GFRA1: variants seen among roughly 807,000 people sequenced by gnomAD.
GFRA1 encodes the protein GDNF family receptor alpha-1.
GFRA1 carries 16 observed loss-of-function variants against 51.6 expected under a neutral mutation model. The ratio of observed to expected loss-of-function variants is 0.31; its 90% CI spans 0.21 to 0.47. The LOEUF (loss-of-function observed/expected upper bound fraction) is 0.47, where lower values mean the gene tolerates loss of function less well. Among genes scored for constraint, GFRA1 ranks in the 20% least tolerant of loss-of-function variants. GFRA1 has a pLI of 1.00. For synonymous variants in GFRA1, 270 were observed against 241.3 expected, an observed-to-expected ratio of 1.12 and a Z score of -1.10; for missense variants, 530 against 594.3, an observed-to-expected ratio of 0.89 and a Z score of 1.13.
intron 5 of GFRA1, among the ~76,000 whole-genome samples, chr10:116,205,594 A>G (rs12772920): frequency 3.0e-5 from 1 of 32,844 alleles, no homozygotes; most frequent in Non-Finnish European, 4.7e-5. Flanking sequence ...GGAAAAAAAA[A>G]AGATATATAT....
intron 5 of GFRA1, among the ~76,000 whole-genome samples, chr10:116,207,514 T>C (rs921158749): frequency 6.6e-6 from 1 of 152,150 alleles, no homozygotes; most frequent in Non-Finnish European, 1.5e-5. Flanking sequence ...GACACAGTCC[T>C]ACAAAAACCC....
At chr10:116,257,152 G>A (rs12413585) in intron 4 of GFRA1, among the ~76,000 whole-genome samples, 75,817 of 152,008 alleles carry the variant, frequency 0.5, 18,947 homozygotes, top group East Asian at 0.55. Context: ...CCAATGAACC[G>A]TTGTCAGAGA....
At chr10:116,154,706 G>T (rs542279818) in intron 5 of GFRA1, among the ~76,000 whole-genome samples, 1 of 152,304 alleles carries the variant, frequency 6.6e-6, no homozygotes, top group Admixed American at 6.5e-5. Context: ...AATGGCAACT[G>T]AAGTTAACTT....
intron 7 of GFRA1, among the ~76,000 whole-genome samples, chr10:116,096,400 C>T (rs370499071): frequency 2.6e-5 from 4 of 152,138 alleles, no homozygotes; most frequent in South Asian, 2.1e-4. Flanking sequence ...TACCCGTCTG[C>T]GCACTTGCAG....
At chr10:116,079,227 C>T (rs560269157) in intron 9 of GFRA1, among the ~76,000 whole-genome samples, 69 of 152,180 alleles carry the variant, frequency 4.5e-4, no homozygotes, top group Non-Finnish European at 6.3e-4. Context: ...CACACCTTGA[C>T]CTTGAACTTT....
chr10:116,221,717 A>G (rs571532531), intron 4 of GFRA1, among the ~76,000 whole-genome samples: 22 of 152,140 alleles, frequency 1.4e-4, no homozygotes, highest in African/African-American at 5.1e-4. Flanking sequence ...GAATCACCGC[A>G]CCTGGTCTGT....
At chr10:116,220,698 A>C (rs1565659999) in intron 4 of GFRA1, among the ~76,000 whole-genome samples, 1 of 152,012 alleles carries the variant, frequency 6.6e-6, no homozygotes. Context: ...GATGTAATAC[A>C]CTCTAGCTTG....
intron 5 of GFRA1, among the ~76,000 whole-genome samples, chr10:116,190,975 T>A (rs936966960): frequency 6.6e-6 from 1 of 152,198 alleles, no homozygotes; most frequent in Non-Finnish European, 1.5e-5. Context: ...AACAAGAGAA[T>A]CCGAGGGGAG....
intron 4 of GFRA1, among the ~76,000 whole-genome samples, chr10:116,221,423 G>A (rs1965916361): frequency 6.6e-6 from 1 of 152,208 alleles, no homozygotes; most frequent in East Asian, 1.9e-4. Flanking sequence ...GAGAATTCAC[G>A]TTCATACTAC....
chr10:116,133,823 C>A (rs889888711), intron 5 of GFRA1, among the ~76,000 whole-genome samples: 14 of 152,170 alleles, frequency 9.2e-5, no homozygotes, highest in African/African-American at 3.4e-4. Flanking sequence ...TCCAACACAG[C>A]GAGATGTGGA....
At chr10:116,186,311 G>A (rs1962710407) in intron 5 of GFRA1, among the ~76,000 whole-genome samples, 3 of 152,190 alleles carry the variant, frequency 2.0e-5, no homozygotes, top group South Asian at 2.1e-4. Context: ...ATGGTGAAAT[G>A]TAACTCCCCG....
chr10:116,174,759 A>T lies in GFRA1; in HGVS notation c.433+36872T>A, dbSNP rs146156258. ...GAATTATTAATTTAAAAGGTTATGC[A>T]CCAGTGCTAATATAAATTATCTTTA... On this transcript the variant is annotated intron_variant, in intron 5 of 10. Transcript: ENST00000355422. 5.5e-3 allele frequency among the ~76,000 whole-genome samples: 835 copies of T among 152,324 alleles called. 9 individuals are homozygous for T. Among genetic ancestry groups the T allele is most frequent in the South Asian group, 0.01 (49 of 4,814 alleles).
intron 4 of GFRA1, among the ~76,000 whole-genome samples, chr10:116,216,451 TCCA>T (rs1403143577): frequency 1.3e-5 from 2 of 152,174 alleles, no homozygotes; most frequent in Admixed American, 6.5e-5. Flanking sequence ...CAATCCATAG[TCCA>T]TAACTATGGT....
intron 5 of GFRA1, among the ~76,000 whole-genome samples, chr10:116,152,592 C>T (rs994604271): frequency 1.3e-5 from 2 of 152,142 alleles, no homozygotes; most frequent in East Asian, 1.9e-4. Flanking sequence ...GGGATCTGCC[C>T]GCCTGACCCA....
At chr10:116,157,913 G>T (rs1959317311) in intron 5 of GFRA1, among the ~76,000 whole-genome samples, 1 of 152,184 alleles carries the variant, frequency 6.6e-6, no homozygotes, top group Non-Finnish European at 1.5e-5. Flanking sequence ...TCTCTTAGAT[G>T]CTCTGATGAT....
Position 116,079,681 on chromosome 10 carries a change from G to GC in GFRA1, c.1197+10059dup, listed in dbSNP as rs1955767616. On this transcript the variant is annotated intron_variant, in intron 9 of 10. Coordinates refer to ENST00000355422, the MANE Select transcript of GFRA1 (RefSeq NM_005264.8). ...TAAATACCCTACAATGCACAGGACAGCCCCCCGTAACAATTTTGCAGACCA... is the reference window on the plus strand; with the variant it reads ...TAAATACCCTACAATGCACAGGACAGCCCCCCCGTAACAATTTTGCAGACCA... Among the ~76,000 whole-genome samples the GC allele has an allele frequency of 2.0e-5, 3 of 152,180 alleles. No homozygotes were observed. In the South Asian group the frequency reaches 6.2e-4, roughly 32 times the overall value.
chr10:116,086,166 T>A (rs187978841), intron 9 of GFRA1, among the ~76,000 whole-genome samples: 51 of 152,282 alleles, frequency 3.3e-4, no homozygotes, highest in African/African-American at 1.2e-3. Context: ...GGGGCTGCTG[T>A]GAGGAGTGCA....
In GFRA1 at chr10:116,152,615, C is replaced by A. The variant is rs148335921; in HGVS notation, c.434-27058G>T. 2.5e-3 allele frequency among the ~76,000 whole-genome samples: 388 copies of A among 152,308 alleles called. 1 individual carries two copies. The highest frequency in any genetic ancestry group is 8.9e-3 in the African/African-American group (368 of 41,574). ...CCCGCCTGACCCAATCACCTCCCAC[C>A]AGGCCCCACCTCCAATATTGGAAAT... On this transcript the variant is annotated intron_variant, in intron 5 of 10. Coordinates refer to ENST00000355422, the MANE Select transcript of GFRA1 (RefSeq NM_005264.8).
chr10:116,105,500 G>T (rs999370722), intron 6 of GFRA1, among the ~76,000 whole-genome samples: 5 of 152,162 alleles, frequency 3.3e-5, no homozygotes, highest in Non-Finnish European at 5.9e-5. Flanking sequence ...GGAATCCTGG[G>T]CAGCAAAGGT....
Sources: allele counts gnomAD v4.1 joint callset (sites outside exome capture counted in the v4.1 genomes callset), GRCh38; gene constraint gnomAD v4.1.1; transcripts MANE v1.5; gene names NCBI Gene and HGNC (gene_info 2026-07-23, HGNC 2026-07-21).